KLHL22: variants seen among roughly 807,000 people sequenced by gnomAD.
KLHL22 encodes kelch like family member 22.
KLHL22 carries 18 observed loss-of-function variants against 60.7 expected under a neutral mutation model. That is an observed-to-expected ratio of 0.30 (90% CI 0.20 to 0.44). KLHL22 has a LOEUF of 0.44. Ranked by LOEUF, KLHL22 falls within the 20% of genes least tolerant of loss-of-function variation. The pLI is 1.00. For missense variants in KLHL22, 596 were observed against 852.3 expected (o/e 0.70, Z 3.74); for synonymous variants, 355 against 354.5 (o/e 1.00, Z -0.01).
At chr22:20,451,677 G>A (rs1042864403) in intron 5 of KLHL22, 4 of 1,604,960 alleles carry the variant, frequency 2.5e-6, no homozygotes, top group Admixed American at 1.7e-5. Flanking sequence ...TGCTTCGGGG[G>A]AGACTCTATG....
intron 2 of KLHL22, among the ~76,000 whole-genome samples, chr22:20,487,005 C>T (rs1301259974): frequency 2.6e-5 from 4 of 151,946 alleles, no homozygotes; most frequent in African/African-American, 7.2e-5. Context: ...CTGCAACCTC[C>T]GCCTCCTGGG....
intron 2 of KLHL22, among the ~76,000 whole-genome samples, chr22:20,481,560 G>A (rs1264526027): frequency 6.6e-6 from 1 of 152,076 alleles, no homozygotes; most frequent in Non-Finnish European, 1.5e-5. Flanking sequence ...GCGACAGAGA[G>A]AGACTCCATC....
At chr22:20,451,481 A>C (rs749415322) in intron 5 of KLHL22, 4 of 1,598,732 alleles carry the variant, frequency 2.5e-6, no homozygotes, top group Non-Finnish European at 3.4e-6. Flanking sequence ...CACTGGACTA[A>C]TGTTACACCA....
At chr22:20,483,594 T>C in intron 2 of KLHL22, 1 of 726,704 alleles carries the variant, frequency 1.4e-6, no homozygotes, top group South Asian at 1.4e-5. Context: ...GCATGGGCAG[T>C]TCTGTCTCAT....
chr22:20,458,030 C>T (rs776965783), intron 4 of KLHL22, 30 bp from the exon 5 acceptor site: 7 of 1,610,634 alleles, frequency 4.3e-6, no homozygotes, highest in Non-Finnish European at 5.9e-6. Flanking sequence ...AAGCACAGCA[C>T]TGACTAGGCA....
At chr22:20,480,663 G>A (rs1389636355) in intron 2 of KLHL22, among the ~76,000 whole-genome samples, 2 of 152,032 alleles carry the variant, frequency 1.3e-5, no homozygotes, top group Non-Finnish European at 2.9e-5. Flanking sequence ...ATGCCACATA[G>A]GATCTTATAT....
chr22:20,453,972 C>T lies in KLHL22; in HGVS notation c.1305+3836G>A, dbSNP rs372593672. Among the ~76,000 whole-genome samples the T allele has an allele frequency of 2.3e-4, 35 of 152,184 alleles. No individual in the cohort carries two copies. In the East Asian group the frequency reaches 5.2e-3, roughly 23 times the overall value. On this transcript the variant is annotated intron_variant, in intron 5 of 6. Coordinates refer to ENST00000328879, the MANE Select transcript of KLHL22 (RefSeq NM_032775.4). ...CTGGTCTTGAACTCCTGACCTCAAG[C>T]GATACACCATCCTCGGCCTCCCAAA... is the stretch of plus-strand genomic sequence containing the variant.
At chr22:20,470,733 TG>T (rs2053306337) in intron 3 of KLHL22, among the ~76,000 whole-genome samples, 1 of 150,734 alleles carries the variant, frequency 6.6e-6, no homozygotes, top group Non-Finnish European at 1.5e-5. Context: ...GATGGATGGA[TG>T]GATGGATGGA....
chr22:20,452,427 T>C (rs1241052271), intron 5 of KLHL22, among the ~76,000 whole-genome samples: 2 of 152,128 alleles, frequency 1.3e-5, no homozygotes, highest in African/African-American at 2.4e-5. Flanking sequence ...ATATCAGAAT[T>C]GAAGTTAGAA....
intron 2 of KLHL22, among the ~76,000 whole-genome samples, chr22:20,476,215 C>T (rs1461652688): frequency 1.3e-5 from 2 of 152,098 alleles, no homozygotes; most frequent in African/African-American, 2.4e-5. Context: ...GCCAAGCCCT[C>T]GGGGCACTTT....
At chr22:20,448,342 C>A (rs946334254) in intron 5 of KLHL22, among the ~76,000 whole-genome samples, 2 of 152,092 alleles carry the variant, frequency 1.3e-5, no homozygotes, top group African/African-American at 4.8e-5. Context: ...GCAAAGATTC[C>A]AAAATCTGAA....
Position 20,465,526 on chromosome 22 carries a change from G to A in KLHL22, c.444C>T (p.Asp148=), listed in dbSNP as rs144466479. Residue 148 remains aspartate (D), a synonymous_variant, in exon 4 of 7, where the codon GAC becomes GAT. Transcript: ENST00000328879. This position sits in a 1 kb window ranked among gnomAD's most constrained non-coding sequence, Gnocchi z 4.9. ...GGTAGACATCGAGAATGTTCTCTTC[G>A]TCCACCCAGGACATGAGGAAATCAC... ...FCCDFLMSWV[D]EENILDVYRL... is the part of the protein sequence containing the mutation. 260 of 1,606,102 alleles carry A rather than the reference G, an allele frequency of 1.6e-4. No homozygotes were observed. Among genetic ancestry groups the A allele is most frequent in the Middle Eastern group, 1.2e-3 (7 of 6,070 alleles).
At chr22:20,464,143 T>C in intron 4 of KLHL22, among the ~76,000 whole-genome samples, 1 of 152,190 alleles carries the variant, frequency 6.6e-6, no homozygotes, top group African/African-American at 2.4e-5. Context: ...AGAAATGGAT[T>C]TGTGAGATCA....
Position 20,465,658 on chromosome 22 carries a change from G to A in KLHL22, c.394-82C>T, listed in dbSNP as rs534613611. 25 of 778,832 alleles carry A rather than the reference G, an allele frequency of 3.2e-5. No homozygotes were observed. Among genetic ancestry groups the A allele is most frequent in the African/African-American group, 1.4e-4 (8 of 59,068 alleles). 48.2% of individuals were successfully genotyped at this position (778,832 alleles called of 1,614,324 possible). A position where few individuals can be genotyped will look rare whatever the true frequency, so the allele number is the denominator to read the frequency against. On this transcript the variant is annotated intron_variant, in intron 3 of 6. Transcript: ENST00000328879. This position sits in a 1 kb window ranked among gnomAD's most constrained non-coding sequence, Gnocchi z 4.9. ...GGAGAGAGAATGATGGCAGAAATAC[G>A]GGCTGTTGTGGGCCAGGCAAAGCAG...
rs371112280 is a variant in KLHL22 at position 20,464,574 on chromosome 22, A to G, written c.1112+284T>C. Among the ~76,000 whole-genome samples, 61 of 152,224 alleles carry G rather than the reference A, an allele frequency of 4.0e-4. No homozygotes were observed. In the South Asian group the frequency reaches 0.012, roughly 31 times the overall value. On this transcript the variant is annotated intron_variant, in intron 4 of 6. Transcript: ENST00000328879. Reference sequence around the variant, plus strand: ...CCTCTCCCCTCCCGTCTCCTCCTGCACAATGCACTCGCAACCTAGCCTACC... The same window carrying G: ...CCTCTCCCCTCCCGTCTCCTCCTGCGCAATGCACTCGCAACCTAGCCTACC...
rs1326649893 is a variant in KLHL22 at position 20,464,963 on chromosome 22, G to A, written c.1007C>T (p.Ala336Val). The A allele has an allele frequency of 6.2e-7, 1 of 1,608,850 alleles. No homozygotes were observed. The highest frequency in any genetic ancestry group is 1.3e-5 in the African/African-American group (1 of 74,836). The change falls in exon 4 of 7, where the codon GCC (alanine) becomes GTC (valine). Residue 336 changes from alanine to valine, a missense_variant. Physicochemically the swap from Ala to Val is moderately conservative, Grantham distance 64. Transcript: ENST00000328879. ...GEWKHFTASL[A>V]PRMSNQGIAV... ...GATGCCCTGGTTGGACATGCGGGGGGCCAGGGAGGCAGTGAAGTGCTTCCA... is the reference window on the plus strand; with the variant it reads ...GATGCCCTGGTTGGACATGCGGGGGACCAGGGAGGCAGTGAAGTGCTTCCA...
chr22:20,449,742 T>C (rs187781309), intron 5 of KLHL22, among the ~76,000 whole-genome samples: 43 of 152,380 alleles, frequency 2.8e-4, no homozygotes, highest in African/African-American at 1.0e-3. Flanking sequence ...TATATGTATT[T>C]ATTTAATACT....
chr22:20,446,941 G>A (rs112083201), intron 5 of KLHL22, among the ~76,000 whole-genome samples: 2 of 152,274 alleles, frequency 1.3e-5, no homozygotes, highest in Admixed American at 6.5e-5. Context: ...TGCTCCTAAA[G>A]TTAACATCTG....
chr22:20,494,082 C>CCG (rs1555915716), intron 1 of KLHL22, among the ~76,000 whole-genome samples: 2 of 109,548 alleles, frequency 1.8e-5, no homozygotes, highest in Admixed American at 9.3e-5. Flanking sequence ...TTGCCCCCCC[C>CCG]CCAAAAAAAA....
Sources: allele counts gnomAD v4.1 joint callset (sites outside exome capture counted in the v4.1 genomes callset), GRCh38; gene constraint gnomAD v4.1.1; non-coding constraint Gnocchi (gnomAD v3.1); transcripts MANE v1.5; gene names NCBI Gene and HGNC (gene_info 2026-07-23, HGNC 2026-07-21).